The following MARCHF3 variants were observed in gnomAD, a reference collection of about 807,000 sequenced individuals.
MARCHF3 encodes the protein membrane associated ring-CH-type finger 3.
A neutral mutation model predicts 24.2 loss-of-function variants in MARCHF3; 13 were observed. That is an observed-to-expected ratio of 0.54 (90% CI 0.35 to 0.85). The LOEUF (loss-of-function observed/expected upper bound fraction) is 0.85, where lower values mean the gene tolerates loss of function less well. Ranked by LOEUF, MARCHF3 falls within the 40% of genes least tolerant of loss-of-function variation. The pLI is 0.01. For synonymous variants in MARCHF3, 144 were observed against 137.3 expected (o/e 1.05, Z -0.34); for missense variants, 276 against 325.0 (o/e 0.85, Z 1.16).
intron 3 of MARCHF3, among the ~76,000 whole-genome samples, chr5:126,907,201 G>A (rs1434887278): frequency 8.8e-5 from 13 of 148,520 alleles, no homozygotes; most frequent in Non-Finnish European, 1.0e-4. Context: ...TATAATTTCT[G>A]TTCTTTTACA....
chr5:126,998,289 C>T (rs1029553370), intron 1 of MARCHF3, among the ~76,000 whole-genome samples: 1 of 152,208 alleles, frequency 6.6e-6, no homozygotes, highest in Non-Finnish European at 1.5e-5. Context: ...GATCAGTAAA[C>T]AGAAAGTGCT....
chr5:126,880,513 T>G (rs1753308076), intron 3 of MARCHF3, among the ~76,000 whole-genome samples: 1 of 152,218 alleles, frequency 6.6e-6, no homozygotes, highest in South Asian at 2.1e-4. Flanking sequence ...AATTAACATG[T>G]TCTTGCCTGA....
chr5:127,021,029 A>G (rs535913672), intron 1 of MARCHF3, among the ~76,000 whole-genome samples: 2 of 152,262 alleles, frequency 1.3e-5, no homozygotes, highest in Admixed American at 1.3e-4. Context: ...CCCAGCATCC[A>G]AAACTGTGAG....
intron 3 of MARCHF3, among the ~76,000 whole-genome samples, chr5:126,890,541 G>C (rs191620087): frequency 0.019 from 2,834 of 149,800 alleles, 66 homozygotes; most frequent in South Asian, 0.11. Flanking sequence ...TGCAGTGTTT[G>C]GTTTTTTGTT....
At chr5:126,885,428 G>C (rs765148661) in intron 3 of MARCHF3, among the ~76,000 whole-genome samples, 1 of 152,086 alleles carries the variant, frequency 6.6e-6, no homozygotes, top group Non-Finnish European at 1.5e-5. Context: ...TGATCCAGGC[G>C]TGGTGGTGCA....
At position 126,914,873 on chromosome 5, in the gene MARCHF3, A is replaced by C. The variant is rs752761242; in HGVS notation, c.393+57T>G. ...ACAGGGCTTGTGATCCAGGCATAAA[A>C]ACAGACATCATTTGCTCATTAGAGC... On this transcript the variant is annotated intron_variant, in intron 3 of 4. Transcript: ENST00000308660. 7 of 1,574,840 alleles carry C rather than the reference A, an allele frequency of 4.4e-6. No individual in the cohort carries two copies. The Admixed American group carries it at 1.2e-4, about 26-fold the overall frequency.
Position 126,909,591 on chromosome 5 carries a change from C to T in MARCHF3, c.393+5339G>A, listed in dbSNP as rs528290764. On this transcript the variant is annotated intron_variant, in intron 3 of 4. Transcript: ENST00000308660. ...GGGAGTGACTCGATTTTCCAGGTGT[C>T]GTCTGTCACCACTTTCTTTGACTAG... Among the ~76,000 whole-genome samples, 19 of 152,292 alleles carry T rather than the reference C, an allele frequency of 1.2e-4. No individual in the cohort carries two copies. The South Asian group carries it at 3.3e-3, about 27-fold the overall frequency.
chr5:127,019,842 A>C (rs941120236), intron 1 of MARCHF3, among the ~76,000 whole-genome samples: 1 of 152,248 alleles, frequency 6.6e-6, no homozygotes, highest in African/African-American at 2.4e-5. Context: ...CAAGTGTACC[A>C]CATTACTTCC....
chr5:126,970,152 A>G (rs958467956), intron 1 of MARCHF3, among the ~76,000 whole-genome samples: 5 of 151,168 alleles, frequency 3.3e-5, no homozygotes, highest in Admixed American at 1.3e-4. Context: ...CAGTGGGGCA[A>G]TATGAGCTCA....
intron 1 of MARCHF3, among the ~76,000 whole-genome samples, chr5:127,014,311 G>A (rs925077973): frequency 1.3e-5 from 2 of 152,070 alleles, no homozygotes; most frequent in African/African-American, 2.4e-5. Flanking sequence ...ACTCACCCCA[G>A]ATACGATGGC....
At chr5:126,880,845 G>T (rs1041933976) in intron 3 of MARCHF3, among the ~76,000 whole-genome samples, 3 of 152,124 alleles carry the variant, frequency 2.0e-5, no homozygotes, top group Non-Finnish European at 2.9e-5. Context: ...GGAACAGTAG[G>T]CCCTGAACAC....
rs139274339 is a variant in MARCHF3, at chr5:126,967,432, C to G, written c.-56-49205G>C. Among the ~76,000 whole-genome samples the G allele has an allele frequency of 8.1e-4, 124 of 152,284 alleles. 1 individual carries two copies. The East Asian group carries it at 0.023, about 28-fold the overall frequency. On this transcript the variant is annotated intron_variant, in intron 1 of 4. Transcript: ENST00000308660. ...TTTAGGCCTGGTGCGGTGGCTCAAG[C>G]CTGTAATCCCAGCACTTTGAGAGGC... is the stretch of plus-strand genomic sequence containing the variant.
intron 3 of MARCHF3, among the ~76,000 whole-genome samples, chr5:126,902,545 T>G (rs1239056694): frequency 6.6e-6 from 1 of 152,098 alleles, no homozygotes; most frequent in East Asian, 1.9e-4. Flanking sequence ...GAACTGGATT[T>G]TCCCTCCAAA....
chr5:126,919,687 C>T (rs190855820), intron 1 of MARCHF3, among the ~76,000 whole-genome samples: 1 of 152,220 alleles, frequency 6.6e-6, no homozygotes, highest in Non-Finnish European at 1.5e-5. Context: ...CCTCCCGACA[C>T]GCACATGTCA....
intron 1 of MARCHF3, among the ~76,000 whole-genome samples, chr5:126,922,511 C>CA (rs1561429209): frequency 4.5e-5 from 5 of 112,338 alleles, no homozygotes; most frequent in Non-Finnish European, 9.3e-5. Context: ...TCATTTCTGT[C>CA]TTTTATTTAT....
chr5:126,995,701 G>C (rs1476812497), intron 1 of MARCHF3, among the ~76,000 whole-genome samples: 1 of 152,180 alleles, frequency 6.6e-6, no homozygotes, highest in East Asian at 1.9e-4. Flanking sequence ...TTGAATGTCT[G>C]TGACTTGCAA....
intron 3 of MARCHF3, among the ~76,000 whole-genome samples, chr5:126,880,194 A>G (rs1753298116): frequency 6.6e-6 from 1 of 152,212 alleles, no homozygotes; most frequent in Non-Finnish European, 1.5e-5. Flanking sequence ...GGTAAAAGGC[A>G]CCAAAGAAAG....
At chr5:126,909,368 G>A (rs1754424885) in intron 3 of MARCHF3, among the ~76,000 whole-genome samples, 1 of 152,228 alleles carries the variant, frequency 6.6e-6, no homozygotes, top group Admixed American at 6.5e-5. Flanking sequence ...CTTCCCGGCT[G>A]CTTTGTTTAC....
intron 1 of MARCHF3, among the ~76,000 whole-genome samples, chr5:127,029,489 C>G (rs1003000726): frequency 6.6e-6 from 1 of 152,152 alleles, no homozygotes; most frequent in Non-Finnish European, 1.5e-5. Flanking sequence ...GCTGCTTTTA[C>G]CCCCTTACCA....
Sources: allele counts gnomAD v4.1 joint callset (sites outside exome capture counted in the v4.1 genomes callset), GRCh38; gene constraint gnomAD v4.1.1; transcripts MANE v1.5; gene names NCBI Gene and HGNC (gene_info 2026-07-23, HGNC 2026-07-21).